The following KLHL32 variants were observed in gnomAD, a reference collection of about 807,000 sequenced individuals.
KLHL32 encodes kelch like family member 32.
Under a neutral mutation model 64.8 loss-of-function variants are expected in KLHL32, and 35 were observed. The ratio of observed to expected loss-of-function variants is 0.54; its 90% CI spans 0.41 to 0.72. The LOEUF is 0.72. Ranked by LOEUF, KLHL32 falls within the 30% of genes least tolerant of loss-of-function variation. The pLI, the probability that KLHL32 is intolerant of heterozygous loss-of-function variation, is 0.00. For missense variants in KLHL32, 589 were observed against 768.5 expected, an observed-to-expected ratio of 0.77 and a Z score of 2.76; for synonymous variants, 259 against 281.0, an observed-to-expected ratio of 0.92 and a Z score of 0.78.
At chr6:96,900,849 G>A in the KLHL32 span, among the ~76,000 whole-genome samples, 3 of 152,208 alleles carry the variant, frequency 2.0e-5, no homozygotes, top group Non-Finnish European at 4.4e-5. Flanking sequence ...AGGTTCTGGT[G>A]TTCAGGCAGA....
At chr6:97,035,094 G>A (rs1226990521) in intron 3 of KLHL32, among the ~76,000 whole-genome samples, 1 of 151,840 alleles carries the variant, frequency 6.6e-6, no homozygotes, top group Admixed American at 6.6e-5. Context: ...TATTTTTGTA[G>A]TATTTGCCTT....
chr6:97,063,294 C>T (rs1167100219), intron 4 of KLHL32, among the ~76,000 whole-genome samples: 1 of 152,142 alleles, frequency 6.6e-6, no homozygotes, highest in Non-Finnish European at 1.5e-5. Context: ...ATAGAACCAG[C>T]AGGACTGGCT....
intron 3 of KLHL32, among the ~76,000 whole-genome samples, chr6:97,039,141 C>T (rs191825663): frequency 3.8e-3 from 568 of 151,086 alleles, no homozygotes; most frequent in Middle Eastern, 6.8e-3. Context: ...TAACTAAGTG[C>T]TCATCAGTGA....
rs537360966 is a variant in KLHL32 at position 97,040,080 on chromosome 6, T to TA, written c.205-1402dup. 1.2e-3 allele frequency among the ~76,000 whole-genome samples: 182 copies of TA among 149,354 alleles called. 1 individual carries two copies. Among genetic ancestry groups the TA allele is most frequent in the South Asian group, 6.8e-3 (32 of 4,724 alleles). ...ATGAATATTGATACATTGGCAAAAG[T>TA]AAAAAAAAAATCACATTTTTCAAAT... On this transcript the variant is annotated intron_variant, in intron 3 of 10. Transcript: ENST00000369261.
At chr6:96,998,619 A>G (rs956959395) in intron 3 of KLHL32, among the ~76,000 whole-genome samples, 3 of 152,218 alleles carry the variant, frequency 2.0e-5, no homozygotes, top group Admixed American at 6.5e-5. Context: ...ATGATGTTCA[A>G]TATTTTCCTT....
intron 5 of KLHL32, among the ~76,000 whole-genome samples, chr6:97,081,786 A>G (rs1157831929): frequency 6.6e-6 from 1 of 152,196 alleles, no homozygotes; most frequent in Non-Finnish European, 1.5e-5. Flanking sequence ...CTTCTCTTCC[A>G]GTAGACTATA....
At chr6:97,064,203 C>T (rs1180361719) in intron 4 of KLHL32, among the ~76,000 whole-genome samples, 1 of 152,134 alleles carries the variant, frequency 6.6e-6, no homozygotes, top group Non-Finnish European at 1.5e-5. Context: ...TGCCCCTTTC[C>T]CTAAAATACC....
intron 3 of KLHL32, among the ~76,000 whole-genome samples, chr6:97,035,505 T>C (rs1784162322): frequency 6.6e-6 from 1 of 152,186 alleles, no homozygotes; most frequent in Admixed American, 6.5e-5. Context: ...TTAGCCATTT[T>C]GTGTAAAATA....
chr6:96,917,739 T>C, the KLHL32 span, among the ~76,000 whole-genome samples: 2 of 152,150 alleles, frequency 1.3e-5, no homozygotes, highest in Admixed American at 1.3e-4. Flanking sequence ...CTTAAGAGAC[T>C]TCAGGGAAAA....
intron 5 of KLHL32, among the ~76,000 whole-genome samples, chr6:97,074,333 C>T (rs1335724028): frequency 1.3e-5 from 2 of 152,082 alleles, no homozygotes; most frequent in South Asian, 2.1e-4. Flanking sequence ...TGAGAACTCC[C>T]GCTCTAGATT....
chr6:96,970,686 C>T (rs1043479999), intron 2 of KLHL32, among the ~76,000 whole-genome samples: 6 of 152,116 alleles, frequency 3.9e-5, no homozygotes, highest in Non-Finnish European at 8.8e-5. Flanking sequence ...AGGAAGGAAA[C>T]AAAACTATTC....
chr6:96,952,240 T>C (rs1772716204), intron 1 of KLHL32, among the ~76,000 whole-genome samples: 1 of 152,234 alleles, frequency 6.6e-6, no homozygotes, highest in South Asian at 2.1e-4. Context: ...TTGTTTTTAT[T>C]AATGTTTCTT....
At chr6:96,979,178 G>C (rs745339625) in intron 3 of KLHL32, among the ~76,000 whole-genome samples, 2 of 151,962 alleles carry the variant, frequency 1.3e-5, no homozygotes, top group African/African-American at 4.8e-5. Context: ...GGTTTTGTTG[G>C]AATTGCTTTT....
chr6:97,036,000 A>G (rs1448879832), intron 3 of KLHL32, among the ~76,000 whole-genome samples: 1 of 152,110 alleles, frequency 6.6e-6, no homozygotes, highest in Non-Finnish European at 1.5e-5. Context: ...CATAAAATCC[A>G]TAGGCTTTCT....
chr6:97,011,070 A>G (rs956384249), intron 3 of KLHL32, among the ~76,000 whole-genome samples: 3 of 152,170 alleles, frequency 2.0e-5, no homozygotes, highest in African/African-American at 7.2e-5. Context: ...CCATTATTTT[A>G]TCATGAGTGG....
chr6:97,097,277 G>A (rs770058629), intron 6 of KLHL32, among the ~76,000 whole-genome samples: 6 of 152,138 alleles, frequency 3.9e-5, no homozygotes, highest in South Asian at 2.1e-4. Context: ...CACTCCAGCC[G>A]TCTGTTGATT....
At chr6:97,051,899 T>C (rs943807812) in intron 4 of KLHL32, among the ~76,000 whole-genome samples, 1 of 152,202 alleles carries the variant, frequency 6.6e-6, no homozygotes, top group Admixed American at 6.5e-5. Flanking sequence ...TCTGGACAAC[T>C]CTTACTAGAA....
At chr6:97,047,843 A>G (rs1786169815) in intron 4 of KLHL32, among the ~76,000 whole-genome samples, 2 of 152,180 alleles carry the variant, frequency 1.3e-5, no homozygotes, top group African/African-American at 4.8e-5. Context: ...CTTTTATAAA[A>G]AGAAGAGCCC....
At chr6:96,918,113 A>G in the KLHL32 span, among the ~76,000 whole-genome samples, 2 of 152,202 alleles carry the variant, frequency 1.3e-5, no homozygotes, top group South Asian at 4.1e-4. Context: ...GAAGCTATAA[A>G]AAGGAGGAAA....
Sources: allele counts gnomAD v4.1 joint callset (sites outside exome capture counted in the v4.1 genomes callset), GRCh38; gene constraint gnomAD v4.1.1; transcripts MANE v1.5; gene names NCBI Gene and HGNC (gene_info 2026-07-23, HGNC 2026-07-21).